REEP1: variants seen among roughly 807,000 people sequenced by gnomAD.
The protein encoded by REEP1 is receptor expression-enhancing protein 1.
In REEP1, 22 loss-of-function variants were observed where a neutral mutation model predicts 40.3. The observed-to-expected ratio is 0.55, with a 90% CI of 0.39 to 0.78. The LOEUF (loss-of-function observed/expected upper bound fraction) is 0.78. Ranked by LOEUF, REEP1 falls within the 30% of genes least tolerant of loss-of-function variation. The probability of loss-of-function intolerance (pLI) is 0.00; values close to 1 mark genes in which losing one functional copy is unlikely to be tolerated. For missense variants in REEP1, 280 were observed against 361.1 expected, an observed-to-expected ratio of 0.78 and a Z score of 1.82; for synonymous variants, 116 against 139.2, an observed-to-expected ratio of 0.83 and a Z score of 1.17.
chr2:86,276,812 G>C (rs1433796157), intron 2 of REEP1, among the ~76,000 whole-genome samples: 2 of 152,158 alleles, frequency 1.3e-5, no homozygotes, highest in Non-Finnish European at 2.9e-5. Flanking sequence ...CATCATCTGG[G>C]AGCCTGTTAG....
chr2:86,256,028 C>T (rs2104253953), intron 3 of REEP1, among the ~76,000 whole-genome samples: 1 of 152,218 alleles, frequency 6.6e-6, no homozygotes, highest in Middle Eastern at 3.4e-3. Context: ...GCCCCTCCCA[C>T]AAGGTGAGCC....
At chr2:86,231,619 GCAGTCAC>G (rs1675021207) in intron 6 of REEP1, among the ~76,000 whole-genome samples, 1 of 152,176 alleles carries the variant, frequency 6.6e-6, no homozygotes, top group South Asian at 2.1e-4. Context: ...TAAGGGCCAC[GCAGTCAC>G]CAGACAGACA....
chr2:86,255,037 G>T, intron 3 of REEP1: 1 of 475,976 alleles, frequency 2.1e-6, no homozygotes, highest in Non-Finnish European at 3.8e-6. Flanking sequence ...GTTTTCTTTT[G>T]TTGCCAAAGC....
chr2:86,228,016 C>T (rs1674808311), intron 6 of REEP1, among the ~76,000 whole-genome samples: 1 of 152,192 alleles, frequency 6.6e-6, no homozygotes, highest in South Asian at 2.1e-4. Flanking sequence ...CACCTTCCAG[C>T]TCATTCTGCA....
At chr2:86,325,112 G>C (rs1031349089) in intron 1 of REEP1, among the ~76,000 whole-genome samples, 2 of 152,196 alleles carry the variant, frequency 1.3e-5, no homozygotes, top group Non-Finnish European at 2.9e-5. Flanking sequence ...GCCAGGTGCA[G>C]TGGCTCACAC....
At chr2:86,217,194 G>C in intron 8 of REEP1, 84 bp from the exon 9 acceptor site, 1 of 1,187,362 alleles carries the variant, frequency 8.4e-7, no homozygotes, top group South Asian at 1.2e-5. Context: ...GCATTGTGTT[G>C]AGACTTCCAG....
chr2:86,295,181 G>A lies in REEP1; in HGVS notation c.33-12939C>T, dbSNP rs115415847. On this transcript the variant is annotated intron_variant, in intron 1 of 8. Transcript: ENST00000538924. Reference sequence around the variant, plus strand: ...GACAATCAGGGAACAAATGCAGCTCGCAGCTGCTAAAGTGCGCTTCTGGCT... The same window carrying A: ...GACAATCAGGGAACAAATGCAGCTCACAGCTGCTAAAGTGCGCTTCTGGCT... Among the ~76,000 whole-genome samples the A allele has an allele frequency of 1.6e-3, 248 of 152,350 alleles. 1 individual carries two copies. The highest frequency in any genetic ancestry group is 5.7e-3 in the African/African-American group (236 of 41,590).
At chr2:86,256,148 A>G (rs1289406399) in intron 3 of REEP1, among the ~76,000 whole-genome samples, 1 of 151,946 alleles carries the variant, frequency 6.6e-6, no homozygotes, top group Non-Finnish European at 1.5e-5. Context: ...GGGGTTCGAG[A>G]CCAGCCTGAC....
chr2:86,293,594 G>A (rs1678834897), intron 1 of REEP1, among the ~76,000 whole-genome samples: 1 of 152,114 alleles, frequency 6.6e-6, no homozygotes, highest in Non-Finnish European at 1.5e-5. Context: ...CAAATTATTA[G>A]GAATTTATAC....
At chr2:86,302,987 G>C (rs1048731732) in intron 1 of REEP1, among the ~76,000 whole-genome samples, 3 of 152,150 alleles carry the variant, frequency 2.0e-5, no homozygotes, top group African/African-American at 7.2e-5. Flanking sequence ...CACTCGAGCA[G>C]ATCATCACAC....
chr2:86,247,557 T>TTG lies in REEP1; in HGVS notation c.417+4399_417+4400insCA, dbSNP rs1558886303. Among the ~76,000 whole-genome samples, 90 of 59,730 alleles carry TTG rather than the reference T, an allele frequency of 1.5e-3. 1 individual carries two copies. Among genetic ancestry groups the TTG allele is most frequent in the African/African-American group, 2.6e-3 (82 of 31,554 alleles). 39.2% of individuals were successfully genotyped at this position (59,730 alleles called of 152,430 possible). On this transcript the variant is annotated intron_variant, in intron 5 of 8. Coordinates refer to ENST00000538924, the MANE Select transcript of REEP1 (RefSeq NM_001371279.1). The stretch of plus-strand genomic sequence containing the variant: ...AAACAAAAATTAATAAGAACTTCCT[T>TTG]TTGTTGTTGTTGTTGTTGTTGTTTT...
chr2:86,257,930 T>C (rs1047494101), intron 3 of REEP1, among the ~76,000 whole-genome samples: 1 of 152,192 alleles, frequency 6.6e-6, no homozygotes, highest in Admixed American at 6.5e-5. Flanking sequence ...CCTATCTCAC[T>C]CATCTTAATG....
intron 1 of REEP1, among the ~76,000 whole-genome samples, chr2:86,332,450 C>CACACAA (rs1401383338): frequency 2.0e-5 from 3 of 151,496 alleles, no homozygotes; most frequent in Non-Finnish European, 4.4e-5. Flanking sequence ...CACACACACA[C>CACACAA]ACACACACAC....
At chr2:86,302,610 T>C (rs1053319859) in intron 1 of REEP1, among the ~76,000 whole-genome samples, 1 of 152,122 alleles carries the variant, frequency 6.6e-6, no homozygotes, top group Non-Finnish European at 1.5e-5. Flanking sequence ...GAAAATGATA[T>C]AAACATCCAA....
chr2:86,226,099 C>CCACCACCACCAT (rs1674675565), intron 7 of REEP1, among the ~76,000 whole-genome samples: 1 of 145,832 alleles, frequency 6.9e-6, no homozygotes, highest in Non-Finnish European at 1.5e-5. Flanking sequence ...ACCACCACCA[C>CCACCACCACCAT]CACCACCACC....
chr2:86,266,961 T>C (rs768825349), intron 2 of REEP1, among the ~76,000 whole-genome samples: 2 of 151,332 alleles, frequency 1.3e-5, no homozygotes, highest in Non-Finnish European at 2.9e-5. Context: ...GAGCTGAGAT[T>C]GGGCTACTGC....
intron 5 of REEP1, among the ~76,000 whole-genome samples, chr2:86,241,688 A>C (rs936209351): frequency 1.6e-4 from 25 of 152,106 alleles, no homozygotes; most frequent in African/African-American, 6.0e-4. Flanking sequence ...TCAACAACTA[A>C]CAGCTGCATG....
At position 86,251,779 on chromosome 2, in the gene REEP1, G is replaced by A. The variant is rs10189492; in HGVS notation, c.417+178C>T. The A allele has an allele frequency of 0.38, 255,571 of 669,816 alleles. 51,723 individuals carry two copies. The highest frequency in any genetic ancestry group is 0.45 in the Middle Eastern group (1,084 of 2,432). 41.5% of individuals were successfully genotyped at this position (669,816 alleles called of 1,614,324 possible). A position where few individuals can be genotyped will look rare whatever the true frequency, so the allele number is the denominator to read the frequency against. ...AGTATGTGGGCATGTGTGTTGGGGG[G>A]TGAGAATTTTCTGGGGCAAGATTCA... On this transcript the variant is annotated intron_variant, in intron 5 of 8. Transcript: ENST00000538924.
rs369818427 is a variant in REEP1, at chr2:86,231,165, A to G, written c.595+1460T>C. 1.8e-4 allele frequency among the ~76,000 whole-genome samples: 27 copies of G among 152,218 alleles called. No homozygotes were observed. In the East Asian group the frequency reaches 4.1e-3, roughly 23 times the overall value. ...CTGGACCTCTGTCTCTTCACCAGTA[A>G]AATCACTGGGTTTGACTGAAAGATC... On this transcript the variant is annotated intron_variant, in intron 6 of 8. Transcript: ENST00000538924.
Sources: allele counts gnomAD v4.1 joint callset (sites outside exome capture counted in the v4.1 genomes callset), GRCh38; gene constraint gnomAD v4.1.1; transcripts MANE v1.5; gene names NCBI Gene and HGNC (gene_info 2026-07-23, HGNC 2026-07-21).